CEP162: variants seen among roughly 807,000 people sequenced by gnomAD.
CEP162 encodes centrosomal protein of 162 kDa.
Under a neutral mutation model 169.2 loss-of-function variants are expected in CEP162, and 141 were observed. That is an observed-to-expected ratio of 0.83 (90% CI 0.73 to 0.96). The LOEUF (loss-of-function observed/expected upper bound fraction) is 0.96. CEP162 is among the 40% of genes least tolerant of loss of function. The probability of loss-of-function intolerance (pLI) is 0.00; values close to 1 mark genes in which losing one functional copy is unlikely to be tolerated. For synonymous variants in CEP162, 540 were observed against 526.4 expected (o/e 1.03, Z -0.35); for missense variants, 1,600 against 1,587.2 (o/e 1.01, Z -0.14).
chr6:84,130,204 A>C (rs529820914), intron 25 of CEP162, among the ~76,000 whole-genome samples: 2 of 152,328 alleles, frequency 1.3e-5, no homozygotes, highest in South Asian at 2.1e-4. Context: ...TCAGGGATGA[A>C]GCTGACTTGA....
intron 25 of CEP162, among the ~76,000 whole-genome samples, chr6:84,146,476 A>G (rs1388661039): frequency 6.6e-6 from 1 of 152,116 alleles, no homozygotes; most frequent in African/African-American, 2.4e-5. Context: ...AAATCTCAAC[A>G]GCAAATAAAA....
intron 25 of CEP162, 40 bp downstream of exon 25, chr6:84,146,647 G>A: frequency 1.1e-6 from 1 of 950,242 alleles, no homozygotes. Context: ...AAATGCCTAA[G>A]AAAAACTTAT....
At chr6:84,227,014 G>T (rs2099555995) in intron 1 of CEP162, among the ~76,000 whole-genome samples, 1 of 152,182 alleles carries the variant, frequency 6.6e-6, no homozygotes, top group African/African-American at 2.4e-5. Flanking sequence ...AATACTTAAA[G>T]AATACTTAAA....
At chr6:84,214,181 AG>A (rs1392272111) in intron 5 of CEP162, among the ~76,000 whole-genome samples, 1 of 152,216 alleles carries the variant, frequency 6.6e-6, no homozygotes, top group Non-Finnish European at 1.5e-5. Flanking sequence ...CGGGAGGCTG[AG>A]GCAGGAGAAT....
intron 19 of CEP162, 127 bp downstream of exon 19, chr6:84,163,016 AT>A (rs1178861447): frequency 1.1e-6 from 1 of 887,546 alleles, no homozygotes; most frequent in Non-Finnish European, 1.7e-6. Flanking sequence ...ATTTTAAAAA[AT>A]GTTTCTAAAA....
chr6:84,195,057 C>G lies in CEP162; in HGVS notation c.854G>C (p.Ser285Thr), dbSNP rs1254585348. Residue 285 changes from serine to threonine, a missense_variant, in exon 10 of 27, where the codon AGC becomes ACC. Ser to Thr is a moderately conservative substitution (Grantham distance 58, BLOSUM62 1). Transcript: ENST00000403245. ...ATGTAGGGCTTCAACGTCACTACTGCTTTGTCCATAAGAAACACCTGTTGA... is the reference window on the plus strand; with the variant it reads ...ATGTAGGGCTTCAACGTCACTACTGGTTTGTCCATAAGAAACACCTGTTGA... ...MTGTGVSYGQ[S>T]SSDVEALHQA... is the part of the protein sequence containing the mutation. 6.3e-7 allele frequency: 1 copy of G among 1,589,514 alleles called. No individual in the cohort carries two copies. The highest frequency in any genetic ancestry group is 1.4e-5 in the African/African-American group (1 of 73,908).
chr6:84,174,720 C>A lies in CEP162; in HGVS notation c.2025+7G>T. The A allele has an allele frequency of 8.0e-7, 1 of 1,246,454 alleles. No homozygotes were observed. 77.2% of individuals were successfully genotyped at this position (1,246,454 alleles called of 1,614,324 possible). Reference sequence around the variant, plus strand: ...ATAAAAAAATACCAGAACAATGTATCTAGTACCTTGGCTTGAAGAATATAA... The same window carrying A: ...ATAAAAAAATACCAGAACAATGTATATAGTACCTTGGCTTGAAGAATATAA... On this transcript the variant is annotated splice_region_variant and intron_variant, in intron 15 of 26. Transcript: ENST00000403245.
chr6:84,186,502 C>T lies in CEP162; in HGVS notation c.1231G>A (p.Glu411Lys), dbSNP rs759131825. The T allele has an allele frequency of 7.4e-6, 12 of 1,613,198 alleles. No homozygotes were observed. The highest frequency in any genetic ancestry group is 2.2e-5 in the East Asian group (1 of 44,764). The part of the protein sequence containing the change: ...HVNLFFDKND[E>K]NVILQKTTNE... ...GTGGTCTTTTGTAAAATCACATTCT[C>T]ATCATTTTTGTCAAAAAAAAGGTTC... The change falls in exon 12 of 27, where the codon GAG becomes AAG. Residue 411 changes from glutamate (E) to lysine (K), a missense_variant. Transcript: ENST00000403245.
chr6:84,129,844 CTTTAT>C (rs768287231), intron 25 of CEP162, among the ~76,000 whole-genome samples: 1 of 152,132 alleles, frequency 6.6e-6, no homozygotes, highest in Non-Finnish European at 1.5e-5. Flanking sequence ...TGTGACTACC[CTTTAT>C]TTCTTTTTCT....
rs760984592 is a variant in CEP162, at chr6:84,204,066, T to G, written c.602A>C (p.Tyr201Ser). The G allele has an allele frequency of 6.2e-7, 1 of 1,603,028 alleles. No homozygotes were observed. The highest frequency in any genetic ancestry group is 1.7e-5 in the Admixed American group (1 of 58,462). The change falls in exon 7 of 27, where the codon TAT (tyrosine) becomes TCT (serine). Residue 201 changes from tyrosine to serine, a missense_variant. Coordinates refer to ENST00000403245, the MANE Select transcript of CEP162 (RefSeq NM_014895.4). ...TTTAGTAGTCAACGGTGCACCAACA[T>G]ACTCATCTTCAAAATCATCACTGTA... ...ENYSDDFEDE[Y>S]VGAPLTTKDE...
chr6:84,174,779 T>C lies in CEP162; in HGVS notation c.1973A>G (p.Gln658Arg). 1 of 1,568,152 alleles carries C rather than the reference T, an allele frequency of 6.4e-7. No homozygotes were observed. Among genetic ancestry groups the C allele is most frequent in the Non-Finnish European group, 8.7e-7 (1 of 1,149,230 alleles). Residue 658 changes from glutamine (Q) to arginine (R), a missense_variant, in exon 15 of 27, where the codon CAG becomes CGG. Gln to Arg is a conservative substitution (Grantham distance 43). Transcript: ENST00000403245. ...ATTCAATTTGAAGAGTTCTTTTTCCTGTTGTTTCTTTAGTTCTTCCAACTT... is the reference window on the plus strand; with the variant it reads ...ATTCAATTTGAAGAGTTCTTTTTCCCGTTGTTTCTTTAGTTCTTCCAACTT... ...ENKLEELKKQ[Q>R]EKELFKLNQD... is the part of the protein sequence containing the mutation.
At position 84,190,632 on chromosome 6, in the gene CEP162, C is replaced by T. The variant is rs1588840610; in HGVS notation, c.1109+2977G>A. Among the ~76,000 whole-genome samples the T allele has an allele frequency of 2.0e-5, 3 of 152,140 alleles. No homozygotes were observed. The Middle Eastern group carries it at 0.01, about 517-fold the overall frequency. ...CTGTAACACTCACTGCGAAGGTCTG[C>T]AGCTTCACTCCTGAGCCAGCGAGAC... On this transcript the variant is annotated intron_variant, in intron 11 of 26. Coordinates refer to ENST00000403245, the MANE Select transcript of CEP162 (RefSeq NM_014895.4).
chr6:84,154,330 ATCTGTCTGTCTGTCTGTCTG>A (rs561247395), intron 22 of CEP162, among the ~76,000 whole-genome samples: 2 of 149,338 alleles, frequency 1.3e-5, no homozygotes, highest in Admixed American at 6.7e-5. Context: ...CTATCTATCT[ATCTGTCTGTCTGTCTGTCTG>A]TCTGTCTGTC....
intron 6 of CEP162, among the ~76,000 whole-genome samples, chr6:84,210,470 T>C (rs1284731111): frequency 6.6e-6 from 1 of 152,146 alleles, no homozygotes. Context: ...AGAAAACAAG[T>C]GAGCTAGCCT....
intron 2 of CEP162, among the ~76,000 whole-genome samples, chr6:84,224,947 C>T (rs1588905089): frequency 6.6e-6 from 1 of 152,152 alleles, no homozygotes; most frequent in East Asian, 1.9e-4. Context: ...GAAACTTATT[C>T]CAAGTGCCTA....
chr6:84,215,649 A>C, intron 4 of CEP162, 127 bp downstream of exon 4: 1 of 1,302,490 alleles, frequency 7.7e-7, no homozygotes. Context: ...AATAATTCTA[A>C]ACCTCTAGGA....
chr6:84,165,269 G>C (rs908306216), intron 18 of CEP162, among the ~76,000 whole-genome samples: 3 of 151,704 alleles, frequency 2.0e-5, no homozygotes, highest in African/African-American at 7.3e-5. Flanking sequence ...ATAAAATGCA[G>C]GATTTTATTT....
intron 5 of CEP162, among the ~76,000 whole-genome samples, chr6:84,214,454 C>G (rs775731874): frequency 3.4e-4 from 52 of 152,130 alleles, no homozygotes; most frequent in Non-Finnish European, 3.8e-4. Context: ...TAATTCTGAT[C>G]CAGGAATCTT....
chr6:84,141,964 C>T (rs750053339), intron 25 of CEP162, among the ~76,000 whole-genome samples: 18 of 152,090 alleles, frequency 1.2e-4, no homozygotes, highest in Admixed American at 2.0e-4. Flanking sequence ...AGAAAACTTC[C>T]GTCCTTTCTC....
Sources: allele counts gnomAD v4.1 joint callset (sites outside exome capture counted in the v4.1 genomes callset), GRCh38; gene constraint gnomAD v4.1.1; transcripts MANE v1.5; gene names NCBI Gene and HGNC (gene_info 2026-07-23, HGNC 2026-07-21).